SNTB1: variants seen among roughly 807,000 people sequenced by gnomAD.
SNTB1 encodes beta-1-syntrophin.
SNTB1 carries 36 observed loss-of-function variants against 48.9 expected under a neutral mutation model. The observed-to-expected ratio is 0.74, with a 90% CI of 0.56 to 0.97. The LOEUF (loss-of-function observed/expected upper bound fraction) is 0.97. Ranked by LOEUF, SNTB1 falls within the 50% of genes least tolerant of loss-of-function variation. SNTB1 has a pLI of 0.00. For missense variants in SNTB1, 786 were observed against 703.4 expected (o/e 1.12, Z -1.33); for synonymous variants, 299 against 294.6 (o/e 1.01, Z -0.15).
chr8:120,729,624 T>C (rs1021407836), intron 1 of SNTB1, among the ~76,000 whole-genome samples: 1 of 152,222 alleles, frequency 6.6e-6, no homozygotes, highest in African/African-American at 2.4e-5. Context: ...AAAAATAATA[T>C]TTCCCTATGT....
At chr8:120,761,848 G>T (rs1224826004) in intron 1 of SNTB1, among the ~76,000 whole-genome samples, 1 of 152,174 alleles carries the variant, frequency 6.6e-6, no homozygotes, top group Non-Finnish European at 1.5e-5. Context: ...ACTTTTAATA[G>T]AAGTATTTCT....
At chr8:120,572,745 A>AAACAAAC (rs1317062009) in intron 4 of SNTB1, among the ~76,000 whole-genome samples, 10 of 42,418 alleles carry the variant, frequency 2.4e-4, no homozygotes. Context: ...AAAACGAACA[A>AAACAAAC]AACAAACAAA....
At chr8:120,560,499 TAATA>T (rs1433885551) in intron 4 of SNTB1, among the ~76,000 whole-genome samples, 11 of 150,132 alleles carry the variant, frequency 7.3e-5, no homozygotes, top group African/African-American at 2.0e-4. Context: ...AATAAATAAA[TAATA>T]AATAAATAAA....
chr8:120,784,603 A>T (rs1819890727), intron 1 of SNTB1, among the ~76,000 whole-genome samples: 1 of 152,074 alleles, frequency 6.6e-6, no homozygotes, highest in Non-Finnish European at 1.5e-5. Flanking sequence ...CTCTCTCCAG[A>T]ATTTGGAATT....
chr8:120,632,910 A>T (rs1403161382), intron 2 of SNTB1, among the ~76,000 whole-genome samples: 3 of 152,094 alleles, frequency 2.0e-5, no homozygotes, highest in Non-Finnish European at 2.9e-5. Context: ...AGGTTATCTG[A>T]TTTTCTTGTT....
At chr8:120,561,148 T>G (rs1189933977) in intron 4 of SNTB1, among the ~76,000 whole-genome samples, 1 of 151,584 alleles carries the variant, frequency 6.6e-6, no homozygotes, top group Non-Finnish European at 1.5e-5. Context: ...ACCAACATGG[T>G]GAAACCCCAT....
intron 2 of SNTB1, among the ~76,000 whole-genome samples, chr8:120,679,187 A>G (rs979677498): frequency 6.6e-6 from 1 of 152,132 alleles, no homozygotes; most frequent in Non-Finnish European, 1.5e-5. Flanking sequence ...CAGGGATGAC[A>G]CCTGTCTCCT....
At chr8:120,809,251 A>G (rs2130196115) in intron 1 of SNTB1, among the ~76,000 whole-genome samples, 1 of 152,326 alleles carries the variant, frequency 6.6e-6, no homozygotes, top group African/African-American at 2.4e-5. Flanking sequence ...TTAGCAGCTG[A>G]TTTTGAAAAA....
intron 1 of SNTB1, among the ~76,000 whole-genome samples, chr8:120,735,354 G>A (rs146386860): frequency 6.6e-6 from 1 of 152,310 alleles, no homozygotes; most frequent in East Asian, 1.9e-4. Context: ...CATGAAGGGA[G>A]CAAGGTGACA....
In SNTB1 at chr8:120,538,396, A is replaced by G. The variant is rs1815232087; in HGVS notation, c.*481T>C. The G allele has an allele frequency of 4.7e-6, 1 of 211,262 alleles. No individual in the cohort carries two copies. Among genetic ancestry groups the G allele is most frequent in the Non-Finnish European group, 1.0e-5 (1 of 99,130 alleles). The allele number at this position is 211,262 out of a possible 1,614,324, so 13.1% of individuals were successfully genotyped here. A position where few individuals can be genotyped will look rare whatever the true frequency, so the allele number is the denominator to read the frequency against. On this transcript the variant is annotated 3_prime_UTR_variant, in exon 7 of 7. Transcript: ENST00000517992. The stretch of plus-strand genomic sequence containing the variant: ...TTTTCTTTTCCTACAAGGGAAAGTC[A>G]ACTCAGCAAGAATTAGGAAATAAAT...
At chr8:120,648,349 T>C (rs758435255) in intron 2 of SNTB1, among the ~76,000 whole-genome samples, 48 of 151,832 alleles carry the variant, frequency 3.2e-4, no homozygotes, top group Non-Finnish European at 5.3e-4. Context: ...GGAGCTCTTG[T>C]AAGGCAGGCC....
In SNTB1 at chr8:120,632,496, G is replaced by C. The variant is rs767792223; in HGVS notation, c.944C>G (p.Thr315Arg). The C allele has an allele frequency of 1.2e-6, 2 of 1,614,144 alleles. No individual in the cohort carries two copies. The highest frequency in any genetic ancestry group is 3.3e-5 in the Admixed American group (2 of 60,022). Residue 315 changes from threonine (T) to arginine (R), a missense_variant, in exon 3 of 7, where the codon ACA becomes AGA. Physicochemically the swap from Thr to Arg is moderately conservative, Grantham distance 71 (BLOSUM62 -1). Transcript: ENST00000517992. ...AATCTCTCGGCTCCCAGCAATGCCT[G>C]TTTTCCCCAGCTGCTCTCTGACCTC... The part of the protein sequence containing the change: ...IAEVREQLGK[T>R]GIAGSREIRH...
At chr8:120,733,317 A>G (rs59586775) in intron 1 of SNTB1, among the ~76,000 whole-genome samples, 15,641 of 152,276 alleles carry the variant, frequency 0.1, 941 homozygotes, top group East Asian at 0.18. Context: ...AATTGAGGGC[A>G]CCAAAAGGTA....
intron 5 of SNTB1, among the ~76,000 whole-genome samples, chr8:120,545,145 A>G (rs1337292483): frequency 2.6e-5 from 4 of 152,106 alleles, no homozygotes; most frequent in Admixed American, 2.6e-4. Flanking sequence ...GGCGTTTGAG[A>G]CCAGCGTGAC....
intron 1 of SNTB1, among the ~76,000 whole-genome samples, chr8:120,805,166 C>T (rs928367700): frequency 2.6e-5 from 4 of 152,006 alleles, no homozygotes; most frequent in African/African-American, 9.7e-5. Context: ...TAATGACTAC[C>T]CAGGACATTT....
intron 3 of SNTB1, among the ~76,000 whole-genome samples, chr8:120,616,452 C>A (rs1816715917): frequency 6.6e-6 from 1 of 150,668 alleles, no homozygotes. Context: ...AGGGGCACAC[C>A]ACAACACCTG....
At chr8:120,608,617 C>A (rs1419505063) in intron 3 of SNTB1, among the ~76,000 whole-genome samples, 1 of 152,152 alleles carries the variant, frequency 6.6e-6, no homozygotes, top group African/African-American at 2.4e-5. Context: ...AAATAAATTT[C>A]TGTTATTTAA....
At chr8:120,721,884 C>T (rs921272653) in intron 1 of SNTB1, among the ~76,000 whole-genome samples, 2 of 151,522 alleles carry the variant, frequency 1.3e-5, no homozygotes, top group East Asian at 3.9e-4. Flanking sequence ...CTATCCCCTC[C>T]CCCTGCCCCC....
chr8:120,739,720 T>G (rs1008742656), intron 1 of SNTB1, among the ~76,000 whole-genome samples: 1 of 152,198 alleles, frequency 6.6e-6, no homozygotes, highest in African/African-American at 2.4e-5. Context: ...AAGATTCATG[T>G]TGGGCTCCAC....
Sources: allele counts gnomAD v4.1 joint callset (sites outside exome capture counted in the v4.1 genomes callset), GRCh38; gene constraint gnomAD v4.1.1; transcripts MANE v1.5; gene names NCBI Gene and HGNC (gene_info 2026-07-23, HGNC 2026-07-21).